Variants in RARRES1 observed in about 807,000 individuals in gnomAD.
RARRES1 encodes retinoic acid receptor responder 1, also known as retinoic acid receptor responder protein 1.
In RARRES1, 34 loss-of-function variants were observed where a neutral mutation model predicts 30.6. That is an observed-to-expected ratio of 1.11 (90% confidence interval 0.84 to 1.48). RARRES1 has a LOEUF of 1.48. Ranked by LOEUF, RARRES1 falls within the 40% of genes most tolerant of loss-of-function variation. RARRES1 has a pLI of 0.00. For synonymous variants in RARRES1, 153 were observed against 155.5 expected (o/e 0.98, Z 0.12); for missense variants, 373 against 386.5 (o/e 0.97, Z 0.29).
At position 158,729,269 on chromosome 3, in the gene RARRES1, A is replaced by G. The variant is rs183219675; in HGVS notation, c.276+2871T>C. 4.6e-4 allele frequency among the ~76,000 whole-genome samples: 70 copies of G among 151,416 alleles called. 1 individual carries two copies. The Middle Eastern group carries it at 0.01, about 22-fold the overall frequency. On this transcript the variant is annotated intron_variant, in intron 1 of 5. Coordinates refer to ENST00000237696, the MANE Select transcript of RARRES1 (RefSeq NM_206963.2). ...GACCTCTTTAAGATTTATGTAACTT[A>G]TATAAAATTCCCAGCCCCTGCATCC...
Position 158,704,838 on chromosome 3 carries a change from G to C in RARRES1, c.625C>G (p.Gln209Glu), listed in dbSNP as rs541925795. ...SSYVMWEMTT[Q>E]VSHYYLAQLT... ...TGTGCCAAGTAGTAGTGTGACACCT[G>C]TGTTGTCATTTCCCACATCACGTAA... The change falls in exon 4 of 6, where the codon CAG becomes GAG. Residue 209 changes from glutamine (Q) to glutamate (E), a missense_variant. Coordinates refer to ENST00000237696, the MANE Select transcript of RARRES1 (RefSeq NM_206963.2). 3.2e-4 allele frequency: 523 copies of C among 1,614,070 alleles called. 5 individuals carry two copies. The South Asian group carries it at 5.5e-3, about 17-fold the overall frequency.
Position 158,710,206 on chromosome 3 carries a change from GTT to G in RARRES1, c.535+530_535+531del, listed in dbSNP as rs34073811. Among the ~76,000 whole-genome samples, 798 of 134,362 alleles carry G rather than the reference GTT, an allele frequency of 5.9e-3. 10 individuals are homozygous for G. The highest frequency in any genetic ancestry group is 0.045 in the Admixed American group (613 of 13,602). 88.1% of individuals were successfully genotyped at this position (134,362 alleles called of 152,430 possible). On this transcript the variant is annotated intron_variant, in intron 3 of 5. Transcript: ENST00000237696. Reference sequence around the variant, plus strand: ...CTCATTCTGGGATGGAAAATGAGGAGTTTTTTTTTTTTTTTTTGGAGATGGAG... The same window carrying G: ...CTCATTCTGGGATGGAAAATGAGGAGTTTTTTTTTTTTTTTGGAGATGGAG...
Position 158,697,598 on chromosome 3 carries a change from C to A in RARRES1, c.*80G>T. 7.2e-7 allele frequency: 1 copy of A among 1,390,896 alleles called. No homozygotes were observed. The highest frequency in any genetic ancestry group is 1.5e-5 in the African/African-American group (1 of 68,602). 86.2% of individuals were successfully genotyped at this position (1,390,896 alleles called of 1,614,324 possible). A position where few individuals can be genotyped will look rare whatever the true frequency, so the allele number is the denominator to read the frequency against. The stretch of plus-strand genomic sequence containing the variant: ...TTCCCAAATTATTAGAATGTCTATA[C>A]CTTAGCTGTTTTACTAGAAGAATGA... On this transcript the variant is annotated 3_prime_UTR_variant, in exon 6 of 6. Transcript: ENST00000237696.
At chr3:158,721,593 T>C (rs910563193) in intron 1 of RARRES1, among the ~76,000 whole-genome samples, 7 of 152,184 alleles carry the variant, frequency 4.6e-5, no homozygotes, top group African/African-American at 1.7e-4. Context: ...ACGCCGAGAC[T>C]ATTCTCTTCA....
At chr3:158,716,148 C>T (rs764140494) in intron 1 of RARRES1, among the ~76,000 whole-genome samples, 6 of 152,036 alleles carry the variant, frequency 3.9e-5, no homozygotes, top group Non-Finnish European at 7.4e-5. Context: ...GGGGTGGGTG[C>T]GGAGGCCATT....
In RARRES1 at chr3:158,698,877, A is replaced by G. The variant is rs1483520517; in HGVS notation, c.673-907T>C. On this transcript the variant is annotated intron_variant, in intron 4 of 5. Transcript: ENST00000237696. ...CTTTCAGCCTTTTTCCCTGTTCTCT[A>G]CTTCCTGCTTAGCTCTTTAGAAATG... Among the ~76,000 whole-genome samples the G allele has an allele frequency of 2.0e-5, 3 of 151,964 alleles. No homozygotes were observed. The East Asian group carries it at 5.8e-4, about 29-fold the overall frequency.
intron 3 of RARRES1, among the ~76,000 whole-genome samples, chr3:158,708,401 A>G (rs1046239651): frequency 3.9e-5 from 6 of 152,218 alleles, no homozygotes; most frequent in East Asian, 1.9e-4. Context: ...CAACAGTGCT[A>G]TAGAACCACT....
At chr3:158,718,195 G>A (rs2108146139) in intron 1 of RARRES1, among the ~76,000 whole-genome samples, 1 of 152,134 alleles carries the variant, frequency 6.6e-6, no homozygotes, top group South Asian at 2.1e-4. Context: ...AGCCAGGATG[G>A]TCTTGATCTC....
chr3:158,698,952 G>A (rs1370720642), intron 4 of RARRES1, among the ~76,000 whole-genome samples: 2 of 152,090 alleles, frequency 1.3e-5, no homozygotes, highest in Admixed American at 6.5e-5. Context: ...TGCATGGCAA[G>A]CTTATGTATG....
intron 2 of RARRES1, among the ~76,000 whole-genome samples, chr3:158,712,806 C>A (rs548337211): frequency 7.9e-5 from 12 of 152,172 alleles, no homozygotes; most frequent in Non-Finnish European, 1.6e-4. Flanking sequence ...TCAATTAGCT[C>A]ACTCTGTTCT....
chr3:158,719,879 A>G (rs1296690614), intron 1 of RARRES1, among the ~76,000 whole-genome samples: 2 of 152,218 alleles, frequency 1.3e-5, no homozygotes, highest in African/African-American at 4.8e-5. Flanking sequence ...TCCTTAGCAA[A>G]TCAATATTAA....
chr3:158,723,743 A>G lies in RARRES1; in HGVS notation c.276+8397T>C, dbSNP rs565878007. On this transcript the variant is annotated intron_variant, in intron 1 of 5. Transcript: ENST00000237696. This position sits in a 1 kb window ranked among gnomAD's most constrained non-coding sequence, Gnocchi z 4.4. ...CCCCCTCCAGGTCCCCTCTGGCCTC[A>G]GGTGGGGATAATCAGAAAAGGCTGG... Among the ~76,000 whole-genome samples the G allele has an allele frequency of 1.8e-3, 267 of 152,252 alleles. No individual in the cohort carries two copies. The highest frequency in any genetic ancestry group is 6.1e-3 in the African/African-American group (252 of 41,568).
In RARRES1 at chr3:158,723,182, G is replaced by A. The variant is rs1415254428; in HGVS notation, c.276+8958C>T. Among the ~76,000 whole-genome samples, 3 of 152,248 alleles carry A rather than the reference G, an allele frequency of 2.0e-5. No homozygotes were observed. Among genetic ancestry groups the A allele is most frequent in the Non-Finnish European group, 2.9e-5 (2 of 68,022 alleles). On this transcript the variant is annotated intron_variant, in intron 1 of 5. Coordinates refer to ENST00000237696, the MANE Select transcript of RARRES1 (RefSeq NM_206963.2). The surrounding 1 kb of genome is among the most constrained non-coding windows in gnomAD (Gnocchi z 4.4). ...AGGCTGGCAGTGGGTGGGTGGGGAC[G>A]AGCTCACAGGTAATTCCAGTCTCCC...
At chr3:158,697,887 A>AGT in intron 5 of RARRES1, 21 bp downstream of exon 5, 1 of 1,561,222 alleles carries the variant, frequency 6.4e-7, no homozygotes, top group Non-Finnish European at 8.8e-7. Context: ...AAACAATTCT[A>AGT]CATACAATGT....
intron 2 of RARRES1, among the ~76,000 whole-genome samples, chr3:158,711,235 C>G (rs1163372775): frequency 6.6e-6 from 1 of 152,194 alleles, no homozygotes; most frequent in Non-Finnish European, 1.5e-5. Context: ...GTAGTGGCCA[C>G]TTTACTCTTG....
chr3:158,704,384 A>G (rs911002020), intron 4 of RARRES1, among the ~76,000 whole-genome samples: 4 of 151,930 alleles, frequency 2.6e-5, no homozygotes, highest in Non-Finnish European at 4.4e-5. Context: ...GGCATGTGCC[A>G]CTACATCTGG....
chr3:158,706,703 A>G (rs1726935906), intron 3 of RARRES1, among the ~76,000 whole-genome samples: 1 of 152,220 alleles, frequency 6.6e-6, no homozygotes, highest in Admixed American at 6.5e-5. Flanking sequence ...AAGTTATTAA[A>G]TGTTAGTAGA....
intron 3 of RARRES1, among the ~76,000 whole-genome samples, chr3:158,708,981 AT>A (rs1188056611): frequency 6.6e-6 from 1 of 152,144 alleles, no homozygotes; most frequent in East Asian, 1.9e-4. Flanking sequence ...ACTGGGTAAA[AT>A]TTACCTTATC....
chr3:158,730,549 T>G (rs1727849987), intron 1 of RARRES1, among the ~76,000 whole-genome samples: 1 of 151,582 alleles, frequency 6.6e-6, no homozygotes, highest in Non-Finnish European at 1.5e-5. Context: ...TCCTCCCATC[T>G]CAGCCTCCTG....
Sources: gnomAD v4.1 joint callset for allele counts (sites outside exome capture counted in the v4.1 genomes callset) on GRCh38, gnomAD v4.1.1 for gene constraint, Gnocchi (gnomAD v3.1) non-coding constraint, MANE v1.5 for transcripts, NCBI Gene and HGNC (gene_info 2026-07-23, HGNC 2026-07-21) for gene names.